Variants in PIAS3 observed in about 807,000 individuals in gnomAD.
PIAS3 encodes the protein protein inhibitor of activated STAT 3, also known as E3 SUMO-protein ligase PIAS3.
In PIAS3, 34 loss-of-function variants were observed where a neutral mutation model predicts 67.6. The observed-to-expected ratio is 0.50, with a 90% CI of 0.38 to 0.67. The LOEUF (loss-of-function observed/expected upper bound fraction) is 0.67. Among genes scored for constraint, PIAS3 ranks in the 30% least tolerant of loss-of-function variants. PIAS3 has a pLI of 0.00. For missense variants in PIAS3, 693 were observed against 791.6 expected, an observed-to-expected ratio of 0.88 and a Z score of 1.49; for synonymous variants, 341 against 313.8, an observed-to-expected ratio of 1.09 and a Z score of -0.92.
chr1:145,854,800 G>C lies in PIAS3; in HGVS notation c.750C>G (p.Leu250=). 2 of 1,614,200 alleles carry C rather than the reference G, an allele frequency of 1.2e-6. No homozygotes were observed. The highest frequency in any genetic ancestry group is 1.7e-6 in the Non-Finnish European group (2 of 1,180,018). The part of the protein sequence containing the change: ...RPINITPLAR[L]SATVPNTIVV... ...CAATGGTGTTGGGAACAGTGGCTGA[G>C]AGTCGAGCCAGGGGTGTGATGTTGA... is the stretch of plus-strand genomic sequence containing the variant. The change falls in exon 6 of 14, where the codon CTC becomes CTG. Residue 250 remains leucine (L), a synonymous_variant. Transcript: ENST00000393045.
Position 145,850,530 on chromosome 1 carries a change from G to A in PIAS3, c.1505C>T (p.Thr502Met), listed in dbSNP as rs781952546. 65 of 1,614,082 alleles carry A rather than the reference G, an allele frequency of 4.0e-5. No individual in the cohort carries two copies. Among genetic ancestry groups the A allele is most frequent in the Non-Finnish European group, 5.1e-5 (60 of 1,180,038 alleles). The change falls in exon 12 of 14, where the codon ACG becomes ATG. Residue 502 changes from threonine to methionine, a missense_variant. By Grantham distance (81) the Thr-to-Met change is moderately conservative. Coordinates refer to ENST00000393045, the MANE Select transcript of PIAS3 (RefSeq NM_006099.3). ...SSVLRSPAMG[T>M]LGGDFLSSLP... ...ACTGGACAGGAAATCCCCACCCAACGTGCCCATAGCAGGGCTCCTTAGCAC... is the reference window on the plus strand; with the variant it reads ...ACTGGACAGGAAATCCCCACCCAACATGCCCATAGCAGGGCTCCTTAGCAC...
At chr1:145,855,985 C>T in intron 4 of PIAS3, 83 bp downstream of exon 4, 1 of 1,186,404 alleles carries the variant, frequency 8.4e-7, no homozygotes, top group Non-Finnish European at 1.3e-6. Flanking sequence ...AGAGCAGGGA[C>T]ATCTCGTAAG....
Position 145,856,666 on chromosome 1 carries a change from G to T in PIAS3, c.365C>A (p.Pro122His). 1 of 1,603,694 alleles carries T rather than the reference G, an allele frequency of 6.2e-7. No individual in the cohort carries two copies. The highest frequency in any genetic ancestry group is 8.5e-7 in the Non-Finnish European group (1 of 1,173,794). The change falls in exon 2 of 14, where the codon CCT becomes CAT. Residue 122 changes from proline (P) to histidine (H), a missense_variant. By Grantham distance (77) the Pro-to-His change is moderately conservative. Transcript: ENST00000393045. Reference sequence around the variant, plus strand: ...TTTCATGGTGACATCAGGGTGCACAGGCTGGGGCAGAGGGGGGTGCATGTC... The same window carrying T: ...TTTCATGGTGACATCAGGGTGCACATGCTGGGGCAGAGGGGGGTGCATGTC... ...EVDMHPPLPQ[P>H]VHPDVTMKPL...
In PIAS3 at chr1:145,854,469, G is replaced by C; in HGVS notation, c.899C>G (p.Ser300Trp). Residue 300 changes from serine (S) to tryptophan (W), a missense_variant, in exon 7 of 14, where the codon TCG (serine) becomes TGG (tryptophan). Ser to Trp is a radical substitution (Grantham distance 177, BLOSUM62 -3). This residue lies in a region of PIAS3 where 115 missense variants were observed against 181.8 expected (regional missense o/e 0.63). Transcript: ENST00000393045. ...RAKGIRNPDH[S>W]RALIKEKLTA... is the part of the protein sequence containing the mutation. ...AAGATGTTACTCACTCAGTGCCCGC[G>C]AGTGGTCTGGGTTCCGGATACCCTT... 6.2e-7 allele frequency: 1 copy of C among 1,612,152 alleles called. No individual in the cohort carries two copies. The highest frequency in any genetic ancestry group is 8.5e-7 in the Non-Finnish European group (1 of 1,178,200).
intron 6 of PIAS3, 55 bp from the exon 7 acceptor site, chr1:145,854,618 C>T: frequency 6.4e-7 from 1 of 1,570,382 alleles, no homozygotes; most frequent in South Asian, 1.1e-5. Flanking sequence ...CCACCACTGC[C>T]CACTTTTGTT....
At chr1:145,852,408 G>GTAGTTATTA (rs1192022687) in intron 9 of PIAS3, among the ~76,000 whole-genome samples, 1 of 152,176 alleles carries the variant, frequency 6.6e-6, no homozygotes, top group African/African-American at 2.4e-5. Context: ...GGGAAGTCAG[G>GTAGTTATTA]TAGTTGTTAT....
intron 1 of PIAS3, among the ~76,000 whole-genome samples, chr1:145,858,445 C>A (rs1292807561): frequency 6.6e-6 from 1 of 151,830 alleles, no homozygotes; most frequent in African/African-American, 2.4e-5. Flanking sequence ...TCGGCCCGCA[C>A]AGCCCCGCCC....
chr1:145,855,991 G>C, intron 4 of PIAS3, 77 bp downstream of exon 4: 1 of 1,243,364 alleles, frequency 8.0e-7, no homozygotes, highest in South Asian at 1.2e-5. Context: ...GGGACATCTC[G>C]TAAGGGTATC....
intron 1 of PIAS3, among the ~76,000 whole-genome samples, chr1:145,857,723 G>A (rs587611522): frequency 2.2e-4 from 34 of 152,284 alleles, no homozygotes; most frequent in South Asian, 1.9e-3. Flanking sequence ...AACTTGGGTC[G>A]GGGAGATTAA....
intron 6 of PIAS3, 66 bp from the exon 7 acceptor site, chr1:145,854,629 C>T: frequency 6.3e-7 from 1 of 1,577,164 alleles, no homozygotes; most frequent in Non-Finnish European, 8.7e-7. Context: ...CACTTTTGTT[C>T]CATGAGGACC....
chr1:145,857,207 C>T (rs1371748590), intron 1 of PIAS3: 38 of 593,102 alleles, frequency 6.4e-5, no homozygotes, highest in Non-Finnish European at 9.6e-5. Context: ...ACCATCAGGT[C>T]AGCATCATCA....
Position 145,850,102 on chromosome 1 carries a change from C to G in PIAS3, c.1620+130G>C, listed in dbSNP as rs955925013. ...GTGGGGCTGAGGAGATAATAAGATA[C>G]CTACACCCCACTGCCCTCACGGGAA... On this transcript the variant is annotated intron_variant, in intron 13 of 13. Coordinates refer to ENST00000393045, the MANE Select transcript of PIAS3 (RefSeq NM_006099.3). 6 of 1,534,220 alleles carry G rather than the reference C, an allele frequency of 3.9e-6. No individual in the cohort carries two copies. In the East Asian group the frequency reaches 1.1e-4, roughly 29 times the overall value.
Position 145,848,674 on chromosome 1 carries a change from G to A in PIAS3, c.*772C>T. 1.7e-6 allele frequency: 1 copy of A among 571,684 alleles called. No individual in the cohort carries two copies. Among genetic ancestry groups the A allele is most frequent in the South Asian group, 2.2e-5 (1 of 46,266 alleles). The allele number at this position is 571,684 out of a possible 1,614,324, so 35.4% of individuals were successfully genotyped here. A position where few individuals can be genotyped will look rare whatever the true frequency, so the allele number is the denominator to read the frequency against. ...CCTTCCACCTCCCTGGAAAGGTGCA[G>A]AATGAGCCAGGCCTAACTACAGGGC... is the stretch of plus-strand genomic sequence containing the variant. On this transcript the variant is annotated 3_prime_UTR_variant, in exon 14 of 14. Coordinates refer to ENST00000393045, the MANE Select transcript of PIAS3 (RefSeq NM_006099.3).
intron 1 of PIAS3, among the ~76,000 whole-genome samples, chr1:145,857,602 A>G (rs1315318907): frequency 6.6e-6 from 1 of 152,126 alleles, no homozygotes; most frequent in Non-Finnish European, 1.5e-5. Context: ...CAGGGTTTTC[A>G]GGTCAGGGTT....
rs1293899724 is a variant in PIAS3 at position 145,849,484 on chromosome 1, A to T, written c.1849T>A (p.Leu617Met). 1.3e-6 allele frequency: 2 copies of T among 1,521,876 alleles called. No homozygotes were observed. The highest frequency in any genetic ancestry group is 1.3e-5 in the South Asian group (1 of 76,572). 94.3% of individuals were successfully genotyped at this position (1,521,876 alleles called of 1,614,324 possible). A position where few individuals can be genotyped will look rare whatever the true frequency, so the allele number is the denominator to read the frequency against. ...HGGPLPSGPS[L>M]TGCRSDIISL... ...ATGATGTCTGACCGACAGCCAGTCA[A>T]AGAGGGACCTGAGGGCAGGGGTCCT... The change falls in exon 14 of 14, where the codon TTG (leucine) becomes ATG (methionine). Residue 617 changes from leucine (L) to methionine (M), a missense_variant. Physicochemically the swap from Leu to Met is conservative, Grantham distance 15. Coordinates refer to ENST00000393045, the MANE Select transcript of PIAS3 (RefSeq NM_006099.3).
At position 145,859,013 on chromosome 1, in the gene PIAS3, A is replaced by C. The variant is rs782551556; in HGVS notation, c.-23T>G. 16 of 1,541,880 alleles carry C rather than the reference A, an allele frequency of 1.0e-5. No homozygotes were observed. The highest frequency in any genetic ancestry group is 6.1e-5 in the Admixed American group (3 of 49,100). ...CATCTTGAGACATCGCAGGCGCCCC[A>C]GCCGGAGCCGGAGCTCAGGCCCAGG... On this transcript the variant is annotated 5_prime_UTR_variant, in exon 1 of 14. Transcript: ENST00000393045.
At position 145,851,100 on chromosome 1, in the gene PIAS3, A is replaced by G. The variant is rs1405778867; in HGVS notation, c.1199T>C (p.Met400Thr). The change falls in exon 10 of 14, where the codon ATG becomes ACG. Residue 400 changes from methionine (M) to threonine (T), a missense_variant. By Grantham distance (81) the Met-to-Thr change is moderately conservative. This residue lies in a region of PIAS3 where 115 missense variants were observed against 181.8 expected (regional missense o/e 0.63). Transcript: ENST00000393045. ...CATTGGGCACCAGGATCCATCTTCC[A>G]TGAATTGGATCTCATCACAATCTGA... is the stretch of plus-strand genomic sequence containing the variant. ...SCSDCDEIQF[M>T]EDGSWCPMKP... 2 of 1,613,568 alleles carry G rather than the reference A, an allele frequency of 1.2e-6. No homozygotes were observed. The highest frequency in any genetic ancestry group is 2.7e-5 in the African/African-American group (2 of 74,922).
At position 145,855,307 on chromosome 1, in the gene PIAS3, C is replaced by T. The variant is rs370251941; in HGVS notation, c.670-427G>A. On this transcript the variant is annotated intron_variant, in intron 5 of 13. Coordinates refer to ENST00000393045, the MANE Select transcript of PIAS3 (RefSeq NM_006099.3). ...GACCAGCCTAGCTAACATGGTAAAACTCCGTCTCTACTAAAAATACAAAAA... is the reference window on the plus strand; with the variant it reads ...GACCAGCCTAGCTAACATGGTAAAATTCCGTCTCTACTAAAAATACAAAAA... Among the ~76,000 whole-genome samples the T allele has an allele frequency of 2.6e-5, 4 of 152,170 alleles. No homozygotes were observed. The South Asian group carries it at 6.2e-4, about 24-fold the overall frequency.
At chr1:145,851,481 C>T (rs1570772848) in intron 9 of PIAS3, 2 of 262,322 alleles carry the variant, frequency 7.6e-6, no homozygotes, top group East Asian at 1.7e-4. Flanking sequence ...CATGGTGAAA[C>T]CTCATCTCTA....
Sources: gnomAD v4.1 joint callset for allele counts (sites outside exome capture counted in the v4.1 genomes callset) on GRCh38, gnomAD v4.1.1 for gene constraint, gnomAD v4.1.1 regional missense constraint, MANE v1.5 for transcripts, NCBI Gene and HGNC (gene_info 2026-07-23, HGNC 2026-07-21) for gene names.